The following REPS1 variants were observed in gnomAD, a reference collection of about 807,000 sequenced individuals.
The protein encoded by REPS1 is ralBP1-associated Eps domain-containing protein 1.
In REPS1, 39 loss-of-function variants were observed where a neutral mutation model predicts 100.9. That is an observed-to-expected ratio of 0.39 (90% CI 0.30 to 0.50). The LOEUF (loss-of-function observed/expected upper bound fraction) is 0.50. REPS1 is among the 20% of genes least tolerant of loss of function. REPS1 has a pLI of 0.86. For synonymous variants in REPS1, 324 were observed against 340.3 expected, an observed-to-expected ratio of 0.95 and a Z score of 0.53; for missense variants, 821 against 968.5, an observed-to-expected ratio of 0.85 and a Z score of 2.02.
intron 10 of REPS1, among the ~76,000 whole-genome samples, chr6:138,923,237 ACTATTTT>A (rs1780896539): frequency 6.6e-6 from 1 of 152,190 alleles, no homozygotes; most frequent in African/African-American, 2.4e-5. Context: ...GAGCAACTCT[ACTATTTT>A]CTTAATTTAC....
chr6:138,908,801 GTGT>G lies in REPS1; in HGVS notation c.2080_2082del (p.Thr694del), dbSNP rs757588364. 2.2e-5 allele frequency: 35 copies of G among 1,613,628 alleles called. No individual in the cohort carries two copies. In the East Asian group the frequency reaches 6.9e-4, roughly 32 times the overall value. Reference sequence around the variant, plus strand: ...ACAGGTTTAGGTGGTGGAGCAAGTGGTGTTGTGCCTTTGCTCTTTAAGACAAGA... The same window carrying G: ...ACAGGTTTAGGTGGTGGAGCAAGTGGTGTGCCTTTGCTCTTTAAGACAAGA... On this transcript the variant is annotated inframe_deletion, in exon 18 of 20. Coordinates refer to ENST00000450536, the MANE Select transcript of REPS1 (RefSeq NM_001286611.2).
chr6:138,909,641 T>G (rs1779881627), intron 17 of REPS1, among the ~76,000 whole-genome samples: 1 of 151,796 alleles, frequency 6.6e-6, no homozygotes, highest in Non-Finnish European at 1.5e-5. Context: ...CATGCTGTTC[T>G]TATGAGAGTG....
chr6:138,951,674 A>T (rs1254547574), intron 1 of REPS1, among the ~76,000 whole-genome samples: 1 of 152,162 alleles, frequency 6.6e-6, no homozygotes, highest in African/African-American at 2.4e-5. Context: ...TGTTTCATGA[A>T]GATTTGAAAT....
chr6:138,906,665 C>G (rs1236003329), intron 19 of REPS1, among the ~76,000 whole-genome samples: 1 of 152,194 alleles, frequency 6.6e-6, no homozygotes, highest in Non-Finnish European at 1.5e-5. Flanking sequence ...ATTCATTTTT[C>G]ATTTCCATGG....
At chr6:138,938,094 T>G (rs1330987154) in intron 8 of REPS1, among the ~76,000 whole-genome samples, 3 of 152,238 alleles carry the variant, frequency 2.0e-5, no homozygotes, top group Non-Finnish European at 4.4e-5. Flanking sequence ...GATGAATTTT[T>G]GTATGCTTTC....
At chr6:138,934,370 C>G (rs1219774176) in intron 8 of REPS1, 3 of 469,848 alleles carry the variant, frequency 6.4e-6, no homozygotes, top group Non-Finnish European at 1.3e-5. Flanking sequence ...TTAAAGTTAA[C>G]CCCAAAAGGG....
chr6:138,963,197 T>G (rs1239505019), intron 1 of REPS1, among the ~76,000 whole-genome samples: 3 of 152,168 alleles, frequency 2.0e-5, no homozygotes, highest in East Asian at 1.9e-4. Flanking sequence ...AAGACCTACT[T>G]CCTTCCTGTA....
Position 138,987,540 on chromosome 6 carries a change from A to G in REPS1, c.143T>C (p.Val48Ala). 6.5e-7 allele frequency: 1 copy of G among 1,549,560 alleles called. No homozygotes were observed. Among genetic ancestry groups the G allele is most frequent in the Non-Finnish European group, 8.7e-7 (1 of 1,146,266 alleles). ...LFRAAQLPND[V>A]VLQIMELCGA... ...GGGACGCGACGTTACCTGTAGGACC[A>G]CGTCGTTCGGCAGCTGCGCGGCCCG... Residue 48 changes from valine (V) to alanine (A), a missense_variant, in exon 1 of 20, where the codon GTG becomes GCG. Transcript: ENST00000450536.
chr6:138,933,054 A>G (rs1005536890), intron 8 of REPS1, among the ~76,000 whole-genome samples: 1 of 152,230 alleles, frequency 6.6e-6, no homozygotes, highest in Non-Finnish European at 1.5e-5. Flanking sequence ...CAAATATCCA[A>G]TGCATTACGG....
chr6:138,975,433 G>A (rs1784549091), intron 1 of REPS1, among the ~76,000 whole-genome samples: 1 of 152,178 alleles, frequency 6.6e-6, no homozygotes, highest in African/African-American at 2.4e-5. Context: ...AAGGTATAAA[G>A]CTAGGTTTGA....
chr6:138,919,600 A>G (rs1780621633), intron 12 of REPS1, among the ~76,000 whole-genome samples: 1 of 152,186 alleles, frequency 6.6e-6, no homozygotes, highest in South Asian at 2.1e-4. Flanking sequence ...GTCCTGCCTT[A>G]GGGCTCTACA....
In REPS1 at chr6:138,988,251, G is replaced by C. The variant is rs1476839549; in HGVS notation, c.-569C>G. 11 of 397,912 alleles carry C rather than the reference G, an allele frequency of 2.8e-5. No individual in the cohort carries two copies. The highest frequency in any genetic ancestry group is 4.4e-5 in the Non-Finnish European group (10 of 225,742). 24.6% of individuals were successfully genotyped at this position (397,912 alleles called of 1,614,324 possible). On this transcript the variant is annotated 5_prime_UTR_variant, in exon 1 of 20. Coordinates refer to ENST00000450536, the MANE Select transcript of REPS1 (RefSeq NM_001286611.2). Reference sequence around the variant, plus strand: ...GCCCCGACGCGCCCGCACCAACAGTGACAGCGGCGGCCGCGCTCCAGACCC... The same window carrying C: ...GCCCCGACGCGCCCGCACCAACAGTCACAGCGGCGGCCGCGCTCCAGACCC...
intron 9 of REPS1, 184 bp downstream of exon 9, chr6:138,929,793 A>G (rs891484135): frequency 2.0e-6 from 1 of 494,620 alleles, no homozygotes; most frequent in African/African-American, 1.9e-5. Context: ...AAATCAAATG[A>G]CAGAATATAT....
intron 2 of REPS1, among the ~76,000 whole-genome samples, chr6:138,945,951 C>T (rs964731116): frequency 2.6e-5 from 4 of 152,152 alleles, no homozygotes; most frequent in Non-Finnish European, 5.9e-5. Flanking sequence ...CAAATGTCTA[C>T]GTATGTTTGG....
At chr6:138,920,515 G>A (rs1240661433) in intron 11 of REPS1, among the ~76,000 whole-genome samples, 199 bp from the exon 12 acceptor site, 1 of 152,100 alleles carries the variant, frequency 6.6e-6, no homozygotes, top group Non-Finnish European at 1.5e-5. Context: ...CATAATAGAA[G>A]ATAGTTTATA....
chr6:138,947,825 G>T lies in REPS1; in HGVS notation c.242C>A (p.Ser81Tyr). The T allele has an allele frequency of 6.2e-7, 1 of 1,610,540 alleles. No homozygotes were observed. The highest frequency in any genetic ancestry group is 1.1e-5 in the South Asian group (1 of 90,224). Reference sequence around the variant, plus strand: ...ACTTTCCACTCTTAAAGGGAAACCAGACTGGGCAACAGCTACAAGTTTCAA... The same window carrying T: ...ACTTTCCACTCTTAAAGGGAAACCATACTGGGCAACAGCTACAAGTTTCAA... ...IALKLVAVAQ[S>Y]GFPLRVESIN... Residue 81 changes from serine to tyrosine, a missense_variant, in exon 2 of 20, where the codon TCT (serine) becomes TAT (tyrosine). By Grantham distance (144) the Ser-to-Tyr change is moderately radical (BLOSUM62 -2). Around this residue, in one of 3 missense-constraint regions of REPS1, gnomAD observed 28 missense variants for 65.3 expected, o/e 0.43. Transcript: ENST00000450536.
intron 11 of REPS1, among the ~76,000 whole-genome samples, 188 bp from the exon 12 acceptor site, chr6:138,920,504 C>T (rs1309540306): frequency 1.3e-5 from 2 of 151,966 alleles, no homozygotes; most frequent in East Asian, 3.9e-4. Context: ...TTATTTTCTG[C>T]CATAATAGAA....
chr6:138,907,458 G>T, intron 19 of REPS1, 37 bp downstream of exon 19: 1 of 1,438,348 alleles, frequency 7.0e-7, no homozygotes, highest in Non-Finnish European at 9.8e-7. Flanking sequence ...TCTTTACTAA[G>T]ATAAGGAACA....
At chr6:138,983,409 T>C (rs970797017) in intron 1 of REPS1, among the ~76,000 whole-genome samples, 4 of 152,170 alleles carry the variant, frequency 2.6e-5, no homozygotes, top group East Asian at 3.9e-4. Context: ...GAGCCGAGAT[T>C]GCACCACTGC....
Sources: gnomAD v4.1 joint callset for allele counts (sites outside exome capture counted in the v4.1 genomes callset) on GRCh38, gnomAD v4.1.1 for gene constraint, gnomAD v4.1.1 regional missense constraint, MANE v1.5 for transcripts, NCBI Gene and HGNC (gene_info 2026-07-23, HGNC 2026-07-21) for gene names.